The following EPHB6 variants were observed in gnomAD, a reference collection of about 807,000 sequenced individuals.
EPHB6 encodes ephrin type-B receptor 6.
A neutral mutation model predicts 107.0 loss-of-function variants in EPHB6; 51 were observed. That is an observed-to-expected ratio of 0.48 (90% CI 0.38 to 0.60). The LOEUF (loss-of-function observed/expected upper bound fraction) is 0.60. EPHB6 is among the 20% of genes least tolerant of loss of function. The pLI is 0.00. For missense variants in EPHB6, 1,141 were observed against 1,355.5 expected (o/e 0.84, Z 2.48); for synonymous variants, 553 against 549.0 (o/e 1.01, Z -0.10).
In EPHB6 at chr7:142,870,678, A is replaced by T. The variant is rs1305171446; in HGVS notation, c.2953A>T (p.Ser985Cys). 5 of 1,613,918 alleles carry T rather than the reference A, an allele frequency of 3.1e-6. No homozygotes were observed. In the Admixed American group the frequency reaches 8.3e-5, roughly 27 times the overall value. The change falls in exon 19 of 20, where the codon AGC (serine) becomes TGC (cysteine). Residue 985 changes from serine (S) to cysteine (C), a missense_variant. By Grantham distance (112) the Ser-to-Cys change is moderately radical. Around this residue, in one of 3 missense-constraint regions of EPHB6, gnomAD observed 616 missense variants for 759.3 expected, o/e 0.81. Coordinates refer to ENST00000652003, the MANE Select transcript of EPHB6 (RefSeq NM_004445.6). ...LCTFSDVAQL[S>C]LEDLPALGIT... ...TACCTTCAGTGATGTGGCTCAGCTCAGCCTAGAGTAAGCAGGGAGTGGTGG... is the reference window on the plus strand; with the variant it reads ...TACCTTCAGTGATGTGGCTCAGCTCTGCCTAGAGTAAGCAGGGAGTGGTGG...
rs1794866814 is a variant in EPHB6 at position 142,870,566 on chromosome 7, C to CT, written c.2844dup (p.Pro949SerfsTer32). On this transcript the variant is annotated frameshift_variant, in exon 19 of 20. Coordinates refer to ENST00000652003, the MANE Select transcript of EPHB6 (RefSeq NM_004445.6). LOFTEE classifies it high-confidence loss of function. ...CCCTTCTGACCCCTGTGGCCCTGGACTTTCCTTGTCTGGACTCACCCCAGG... is the reference window on the plus strand; with the variant it reads ...CCCTTCTGACCCCTGTGGCCCTGGACTTTTCCTTGTCTGGACTCACCCCAGG... The CT allele has an allele frequency of 1.2e-6, 2 of 1,614,146 alleles. No homozygotes were observed.
At position 142,868,114 on chromosome 7, in the gene EPHB6, G is replaced by A. The variant is rs989477101; in HGVS notation, c.1918+65G>A. 32 of 1,613,724 alleles carry A rather than the reference G, an allele frequency of 2.0e-5. No individual in the cohort carries two copies. The highest frequency in any genetic ancestry group is 2.5e-5 in the Non-Finnish European group (29 of 1,179,810). Reference sequence around the variant, plus strand: ...CATGGGTGGGGCACATGGCAGGCAAGGCTGGATCCCCCCAAGATTGGGGGA... The same window carrying A: ...CATGGGTGGGGCACATGGCAGGCAAAGCTGGATCCCCCCAAGATTGGGGGA... On this transcript the variant is annotated intron_variant, in intron 13 of 19. Transcript: ENST00000652003. This position sits in a 1 kb window ranked among gnomAD's most constrained non-coding sequence, Gnocchi z 4.2.
At chr7:142,860,333 C>T (rs1038567384) in intron 1 of EPHB6, among the ~76,000 whole-genome samples, 1 of 152,134 alleles carries the variant, frequency 6.6e-6, no homozygotes, top group Non-Finnish European at 1.5e-5. Context: ...CTGCTGCTGG[C>T]ATTTTCTTTC....
Position 142,866,869 on chromosome 7 carries a change from G to A in EPHB6, c.1588-37G>A. On this transcript the variant is annotated intron_variant, in intron 10 of 19. Coordinates refer to ENST00000652003, the MANE Select transcript of EPHB6 (RefSeq NM_004445.6). The surrounding 1 kb of genome is among the most constrained non-coding windows in gnomAD (Gnocchi z 5.2). ...CTTAGGGGCAGAAGCAGGGGCAAGA[G>A]GGGGCCAGGCAGGGAGTGAGTGGCT... The A allele has an allele frequency of 1.2e-5, 19 of 1,613,976 alleles. No homozygotes were observed. Among genetic ancestry groups the A allele is most frequent in the South Asian group, 2.2e-5 (2 of 91,076 alleles).
At chr7:142,861,287 G>A (rs982697987) in intron 2 of EPHB6, 101 bp downstream of exon 2, 1 of 152,176 alleles carries the variant, frequency 6.6e-6, no homozygotes, top group Non-Finnish European at 1.5e-5. Flanking sequence ...ATAGTTCTGA[G>A]AAGCCATTAT....
At chr7:142,857,948 C>G (rs943151366) in intron 1 of EPHB6, among the ~76,000 whole-genome samples, 1 of 152,162 alleles carries the variant, frequency 6.6e-6, no homozygotes. Flanking sequence ...CTACCTTCTT[C>G]TTATAGATGA....
rs559611932 is a variant in EPHB6 at position 142,869,433 on chromosome 7, G to A, written c.2460+286G>A. Among the ~76,000 whole-genome samples, 15 of 152,330 alleles carry A rather than the reference G, an allele frequency of 9.8e-5. No homozygotes were observed. Among genetic ancestry groups the A allele is most frequent in the African/African-American group, 3.6e-4 (15 of 41,562 alleles). ...TTGTGGAGATTACACAGACTCCAGA[G>A]TCAGCACAGCTGGGTACAAATTCTT... is the stretch of plus-strand genomic sequence containing the variant. On this transcript the variant is annotated intron_variant, in intron 16 of 19. Transcript: ENST00000652003. The surrounding 1 kb of genome is among the most constrained non-coding windows in gnomAD (Gnocchi z 4.5).
Position 142,863,560 on chromosome 7 carries a change from G to A in EPHB6, c.101-71G>A, listed in dbSNP as rs2116410074. ...GGTGGGGCATTCTTTTGTTCGCGGT[G>A]GGAATAGAGTAGGGGCTGGCAGTGC... On this transcript the variant is annotated intron_variant, in intron 5 of 19. Coordinates refer to ENST00000652003, the MANE Select transcript of EPHB6 (RefSeq NM_004445.6). 1.9e-6 allele frequency: 3 copies of A among 1,550,896 alleles called. No homozygotes were observed. In the South Asian group the frequency reaches 3.3e-5, roughly 17 times the overall value.
In EPHB6 at chr7:142,866,390, C is replaced by T. The variant is rs1420502668; in HGVS notation, c.1462+74C>T. ...AGCCCCCTTCCCTACTCCTGATCTC[C>T]AGCCTGGTCCACCCCTGCCGCCCTC... On this transcript the variant is annotated intron_variant, in intron 9 of 19. Coordinates refer to ENST00000652003, the MANE Select transcript of EPHB6 (RefSeq NM_004445.6). The surrounding 1 kb of genome is among the most constrained non-coding windows in gnomAD (Gnocchi z 5.2). 1.9e-6 allele frequency: 3 copies of T among 1,611,518 alleles called. No homozygotes were observed. Among genetic ancestry groups the T allele is most frequent in the Non-Finnish European group, 8.5e-7 (1 of 1,179,118 alleles).
At chr7:142,863,008 G>C (rs1002376817) in intron 4 of EPHB6, 119 bp from the exon 5 acceptor site, 1 of 589,002 alleles carries the variant, frequency 1.7e-6, no homozygotes, top group Non-Finnish European at 3.0e-6. Flanking sequence ...GTGGGTGCTG[G>C]GGCGATTGGA....
intron 5 of EPHB6, 31 bp downstream of exon 5, chr7:142,863,358 A>G (rs201453617): frequency 6.3e-7 from 1 of 1,577,700 alleles, no homozygotes; most frequent in Non-Finnish European, 8.6e-7. Context: ...GAGAACCCAG[A>G]CCTGCCATAG....
Position 142,867,881 on chromosome 7 carries a change from G to A in EPHB6, c.1866-116G>A, listed in dbSNP as rs989423381. 6.7e-7 allele frequency: 1 copy of A among 1,492,252 alleles called. No individual in the cohort carries two copies. The highest frequency in any genetic ancestry group is 9.1e-7 in the Non-Finnish European group (1 of 1,095,814). 92.4% of individuals were successfully genotyped at this position (1,492,252 alleles called of 1,614,324 possible). On this transcript the variant is annotated intron_variant, in intron 12 of 19. Transcript: ENST00000652003. This position sits in a 1 kb window ranked among gnomAD's most constrained non-coding sequence, Gnocchi z 5.3. The stretch of plus-strand genomic sequence containing the variant: ...GCCCCACGTGGAGATGGGCAGGAGG[G>A]CCAGGCTGTCGTCCCCCCTCCACAG...
Position 142,865,551 on chromosome 7 carries a change from C to T in EPHB6, c.1026C>T (p.Pro342=). ...CSPCPARSHA[P]NPAAPVCPCL... is the part of the protein sequence containing the mutation. ...CATGCCCTGCCCGCAGTCACGCTCC[C>T]AACCCAGCAGCCCCCGTTTGCCCCT... Residue 342 remains proline, a synonymous_variant, in exon 8 of 20, where the codon CCC becomes CCT. Transcript: ENST00000652003. 3.1e-6 allele frequency: 5 copies of T among 1,613,670 alleles called. No individual in the cohort carries two copies. The highest frequency in any genetic ancestry group is 4.2e-6 in the Non-Finnish European group (5 of 1,180,004).
chr7:142,864,642 G>C lies in EPHB6; in HGVS notation c.842G>C (p.Ser281Thr), dbSNP rs1563340342. 1.2e-6 allele frequency: 2 copies of C among 1,612,240 alleles called. No homozygotes were observed. Among genetic ancestry groups the C allele is most frequent in the East Asian group, 4.5e-5 (2 of 44,828 alleles). ...GGAGTAGGGGGCCAGGCAGGAGGCA[G>C]CCCCCCCAGGCTGCACTGCAACGGG... ...EDGVGGQAGG[S>T]PPRLHCNGEG... Residue 281 changes from serine (S) to threonine (T), a missense_variant, in exon 7 of 20, where the codon AGC (serine) becomes ACC (threonine). Physicochemically the swap from Ser to Thr is moderately conservative, Grantham distance 58 (BLOSUM62 1). Around this residue, in one of 3 missense-constraint regions of EPHB6, gnomAD observed 304 missense variants for 295.7 expected, o/e 1.03. Transcript: ENST00000652003.
intron 17 of EPHB6, 124 bp downstream of exon 17, chr7:142,870,090 C>A: frequency 6.3e-7 from 1 of 1,578,738 alleles, no homozygotes; most frequent in South Asian, 1.1e-5. Flanking sequence ...ATTGCCATAT[C>A]TTTGAGTTCC....
chr7:142,863,551 G>T (rs902477121), intron 5 of EPHB6, 80 bp from the exon 6 acceptor site: 21 of 1,536,500 alleles, frequency 1.4e-5, no homozygotes, highest in Non-Finnish European at 1.9e-5. Context: ...GCATTCTTTT[G>T]TTCGCGGTGG....
In EPHB6 at chr7:142,868,675, A is replaced by G; in HGVS notation, c.2222A>G (p.Lys741Arg). The change falls in exon 15 of 20, where the codon AAG (lysine) becomes AGG (arginine). Residue 741 changes from lysine (K) to arginine (R), a missense_variant. This residue lies in a region of EPHB6 where 616 missense variants were observed against 759.3 expected (regional missense o/e 0.81). Transcript: ENST00000652003. The surrounding 1 kb of genome is among the most constrained non-coding windows in gnomAD (Gnocchi z 4.2). ...NILRLEGVVT[K>R]SRPLMVLTEF... is the part of the protein sequence containing the mutation. ...CTGCGGCTGGAGGGCGTGGTCACCA[A>G]GAGCCGACCCCTCATGGTGCTGACG... The G allele has an allele frequency of 1.9e-6, 3 of 1,613,970 alleles. No homozygotes were observed. The highest frequency in any genetic ancestry group is 2.5e-6 in the Non-Finnish European group (3 of 1,180,014).
At chr7:142,857,693 G>A (rs969143636) in intron 1 of EPHB6, among the ~76,000 whole-genome samples, 2 of 152,192 alleles carry the variant, frequency 1.3e-5, no homozygotes, top group African/African-American at 2.4e-5. Context: ...GTCTGGGCTC[G>A]GTTTGGGGCC....
In EPHB6 at chr7:142,864,621, T is replaced by G. The variant is rs2116426849; in HGVS notation, c.821T>G (p.Val274Gly). The change falls in exon 7 of 20, where the codon GTA (valine) becomes GGA (glycine). Residue 274 changes from valine to glycine, a missense_variant. By Grantham distance (109) the Val-to-Gly change is moderately radical. Transcript: ENST00000652003. ...VAHAEPEEDG[V>G]GGQAGGSPPR... Reference sequence around the variant, plus strand: ...CATGCAGAGCCAGAGGAGGATGGAGTAGGGGGCCAGGCAGGAGGCAGCCCC... The same window carrying G: ...CATGCAGAGCCAGAGGAGGATGGAGGAGGGGGCCAGGCAGGAGGCAGCCCC... 6.2e-7 allele frequency: 1 copy of G among 1,611,588 alleles called. No individual in the cohort carries two copies. The highest frequency in any genetic ancestry group is 1.3e-5 in the African/African-American group (1 of 74,746).
Sources: gnomAD v4.1 joint callset for allele counts (sites outside exome capture counted in the v4.1 genomes callset) on GRCh38, gnomAD v4.1.1 for gene constraint, gnomAD v4.1.1 regional missense constraint, Gnocchi (gnomAD v3.1) non-coding constraint, MANE v1.5 for transcripts, NCBI Gene and HGNC (gene_info 2026-07-23, HGNC 2026-07-21) for gene names.